Variants in MROH1 observed in about 807,000 individuals in gnomAD.
The protein encoded by MROH1 is maestro heat-like repeat-containing protein family member 1.
Under a neutral mutation model 116.5 loss-of-function variants are expected in MROH1, and 117 were observed. The observed-to-expected ratio is 1.00, with a 90% CI of 0.86 to 1.17. The LOEUF is 1.17. Ranked by LOEUF, MROH1 falls within the 50% of genes most tolerant of loss-of-function variation. MROH1 has a pLI of 0.00. For synonymous variants in MROH1, 921 were observed against 583.9 expected, an observed-to-expected ratio of 1.58 and a Z score of -8.32; for missense variants, 1,873 against 1,338.5, an observed-to-expected ratio of 1.40 and a Z score of -6.23.
chr8:144,186,788 A>C (rs909773131), intron 7 of MROH1, among the ~76,000 whole-genome samples: 1 of 152,176 alleles, frequency 6.6e-6, no homozygotes, highest in Non-Finnish European at 1.5e-5. Flanking sequence ...GCCCTTGTTT[A>C]TTCTTATTAA....
chr8:144,175,614 G>A (rs1196416598), intron 4 of MROH1: 6 of 431,054 alleles, frequency 1.4e-5, no homozygotes, highest in African/African-American at 1.3e-4. Flanking sequence ...TGGGAAGAGT[G>A]TCTAGATTAT....
In MROH1 at chr8:144,244,456, G is replaced by A. The variant is rs1269534609; in HGVS notation, c.2683G>A (p.Glu895Lys). The A allele has an allele frequency of 3.9e-6, 3 of 767,256 alleles. No individual in the cohort carries two copies. The highest frequency in any genetic ancestry group is 3.4e-5 in the African/African-American group (2 of 58,812). 47.5% of individuals were successfully genotyped at this position (767,256 alleles called of 1,614,324 possible). Residue 895 changes from glutamate to lysine, a missense_variant, in exon 28 of 44, where the codon GAG becomes AAG. Glu to Lys is a moderately conservative substitution (Grantham distance 56). Transcript: ENST00000326134. ...DGGCQKSLYL[E>K]TLHALEDLLT... Reference sequence around the variant, plus strand: ...GCTCTCCTTCCAGTCCCTGTATCTGGAGACACTGCACGCCCTTGAGGATCT... The same window carrying A: ...GCTCTCCTTCCAGTCCCTGTATCTGAAGACACTGCACGCCCTTGAGGATCT...
intron 10 of MROH1, among the ~76,000 whole-genome samples, chr8:144,195,217 A>AAAAAAAAAAAAAC: frequency 7.1e-6 from 1 of 141,140 alleles, no homozygotes; most frequent in Admixed American, 7.2e-5. Flanking sequence ...AAAAAAAAAA[A>AAAAAAAAAAAAAC]AAGGCCGAGT....
At position 144,191,855 on chromosome 8, in the gene MROH1, G is replaced by A. The variant is rs1357529259; in HGVS notation, c.855G>A (p.Lys285=). 1 of 1,613,146 alleles carries A rather than the reference G, an allele frequency of 6.2e-7. No homozygotes were observed. The highest frequency in any genetic ancestry group is 1.3e-5 in the African/African-American group (1 of 74,920). Residue 285 remains lysine, a splice_region_variant and synonymous_variant, in exon 9 of 44, where the codon AAG becomes AAA. Transcript: ENST00000326134. ...KKHAETFYLS[K]SLGQILEAAV... is the part of the protein sequence containing the mutation. The stretch of plus-strand genomic sequence containing the variant: ...ACGCAGAGACCTTCTACTTGTCCAA[G>A]GTATCTGCAGGCAGGGCAGGTCTAC...
chr8:144,208,422 A>G (rs575367847), intron 12 of MROH1, among the ~76,000 whole-genome samples: 12 of 131,800 alleles, frequency 9.1e-5, no homozygotes, highest in African/African-American at 2.8e-4. Flanking sequence ...TTTTTTTTCT[A>G]TTACCCTGAT....
chr8:144,260,042 C>T lies in MROH1; in HGVS notation c.4176C>T (p.Ser1392=), dbSNP rs968901869. 3.9e-5 allele frequency: 28 copies of T among 724,502 alleles called. No homozygotes were observed. The highest frequency in any genetic ancestry group is 1.2e-4 in the South Asian group (8 of 69,420). 44.9% of individuals were successfully genotyped at this position (724,502 alleles called of 1,614,324 possible). The change falls in exon 38 of 44, where the codon TCC becomes TCT. Residue 1392 remains serine (S), a synonymous_variant. Transcript: ENST00000326134. ...TCCGCGGCCTGGCCAACCTGGCCTC[C>T]GGCTGCCCTGACAAGGTGGGGTGGC... The part of the protein sequence containing the change: ...LVLRGLANLA[S]GCPDKVRTHG...
chr8:144,207,946 CTT>C (rs1335877700), intron 12 of MROH1, among the ~76,000 whole-genome samples: 38 of 135,040 alleles, frequency 2.8e-4, no homozygotes, highest in Non-Finnish European at 4.2e-4. Flanking sequence ...TTTTTAATTA[CTT>C]TTTTTTTTTT....
intron 7 of MROH1, among the ~76,000 whole-genome samples, chr8:144,183,803 A>G (rs1009457819): frequency 6.6e-6 from 1 of 151,546 alleles, no homozygotes; most frequent in Non-Finnish European, 1.5e-5. Flanking sequence ...GCCCACCACC[A>G]CGCCTGGCTA....
chr8:144,246,439 A>G (rs1841937668), intron 29 of MROH1, among the ~76,000 whole-genome samples: 1 of 151,866 alleles, frequency 6.6e-6, no homozygotes, highest in Admixed American at 6.6e-5. Flanking sequence ...CGAAACTTTC[A>G]TTCTTTATGT....
Position 144,250,334 on chromosome 8 carries a change from C to A in MROH1, c.3396C>A (p.Ser1132=). The change falls in exon 33 of 44, where the codon TCC becomes TCA. Residue 1132 remains serine (S), a synonymous_variant. Transcript: ENST00000326134. ...CCCAGCACTGCGCAGCCGTGGTGTC[C>A]AGCCTCCTGGGCAGCCCCTTGCCCT... ...LATQHCAAVV[S]SLLGSPLPLD... 1 of 767,926 alleles carries A rather than the reference C, an allele frequency of 1.3e-6. No homozygotes were observed. 47.6% of individuals were successfully genotyped at this position (767,926 alleles called of 1,614,324 possible).
At chr8:144,228,273 T>C (rs752229933) in intron 14 of MROH1, among the ~76,000 whole-genome samples, 6 of 152,182 alleles carry the variant, frequency 3.9e-5, no homozygotes, top group Non-Finnish European at 8.8e-5. Flanking sequence ...GTATATTAAA[T>C]GTGCAATAGC....
chr8:144,149,167 C>A (rs1816135976), intron 1 of MROH1, among the ~76,000 whole-genome samples: 1 of 152,040 alleles, frequency 6.6e-6, no homozygotes, highest in South Asian at 2.1e-4. Context: ...TCGTTGTTTG[C>A]GGCATGTTTC....
At chr8:144,216,922 T>A (rs1835393638) in intron 12 of MROH1, among the ~76,000 whole-genome samples, 1 of 152,116 alleles carries the variant, frequency 6.6e-6, no homozygotes, top group South Asian at 2.1e-4. Context: ...ACTCCTGACC[T>A]CCTGATCCAT....
intron 10 of MROH1, among the ~76,000 whole-genome samples, chr8:144,197,098 A>C (rs867516524): frequency 5.3e-5 from 8 of 152,150 alleles, no homozygotes; most frequent in Admixed American, 2.6e-4. Flanking sequence ...CTGTCTCAAA[A>C]AACAACAACA....
chr8:144,199,544 C>T (rs1830647332), intron 11 of MROH1, among the ~76,000 whole-genome samples: 1 of 152,096 alleles, frequency 6.6e-6, no homozygotes, highest in African/African-American at 2.4e-5. Context: ...TCTGCTCCCC[C>T]AGGGGGCCTG....
chr8:144,183,663 T>C (rs1414221814), intron 7 of MROH1, among the ~76,000 whole-genome samples: 2 of 151,500 alleles, frequency 1.3e-5, no homozygotes, highest in Admixed American at 1.3e-4. Context: ...TTCTTTTTTT[T>C]TGAGATGGAG....
chr8:144,261,536 C>T (rs901887106), intron 43 of MROH1, 119 bp from the exon 44 acceptor site: 3 of 689,264 alleles, frequency 4.4e-6, no homozygotes, highest in Non-Finnish European at 7.9e-6. Flanking sequence ...AAAGGAAAAA[C>T]GATCTTTCCG....
chr8:144,167,513 G>C (rs1475094478), intron 3 of MROH1, among the ~76,000 whole-genome samples: 1 of 137,328 alleles, frequency 7.3e-6, no homozygotes, highest in Non-Finnish European at 1.7e-5. Context: ...CCGGTTGTTG[G>C]GGTGGAGTGG....
At position 144,261,232 on chromosome 8, in the gene MROH1, TGCCCCACCCCCACGCCGCCCGGCA is replaced by T. The variant is rs1290209385; in HGVS notation, c.4774+22_4775-23del. The T allele has an allele frequency of 2.7e-6, 2 of 727,282 alleles. No homozygotes were observed. Among genetic ancestry groups the T allele is most frequent in the Non-Finnish European group, 5.0e-6 (2 of 396,520 alleles). The allele number at this position is 727,282 out of a possible 1,614,324, so 45.1% of individuals were successfully genotyped here. ...CTGTTCACCGGTAAGCACCACCCCC[TGCCCCACCCCCACGCCGCCCGGCA>T]GCCCCGCCTGATGCCCCCACTTCAC... On this transcript the variant is annotated intron_variant, in intron 42 of 43. Coordinates refer to ENST00000326134, the MANE Select transcript of MROH1 (RefSeq NM_032450.3).
Sources: gnomAD v4.1 joint callset for allele counts (sites outside exome capture counted in the v4.1 genomes callset) on GRCh38, gnomAD v4.1.1 for gene constraint, MANE v1.5 for transcripts, NCBI Gene and HGNC (gene_info 2026-07-23, HGNC 2026-07-21) for gene names.